The following SEMA5A variants were observed in gnomAD, a reference collection of about 807,000 sequenced individuals.
SEMA5A encodes the protein semaphorin-5A.
A neutral mutation model predicts 135.5 loss-of-function variants in SEMA5A; 55 were observed. The observed-to-expected ratio is 0.41, with a 90% CI of 0.33 to 0.51. The LOEUF (loss-of-function observed/expected upper bound fraction) is 0.51, where lower values mean the gene tolerates loss of function less well. Among genes scored for constraint, SEMA5A ranks in the 20% least tolerant of loss-of-function variants. SEMA5A has a pLI of 0.37. For synonymous variants in SEMA5A, 580 were observed against 546.5 expected (o/e 1.06, Z -0.85); for missense variants, 1,290 against 1,419.9 (o/e 0.91, Z 1.47).
At chr5:9,164,269 TATAA>T (rs1463145179) in intron 11 of SEMA5A, among the ~76,000 whole-genome samples, 1 of 145,310 alleles carries the variant, frequency 6.9e-6, no homozygotes, top group Admixed American at 7.0e-5. Context: ...AAATATATGA[TATAA>T]ATATTTATAT....
chr5:9,254,386 A>T (rs1748955105), intron 5 of SEMA5A, among the ~76,000 whole-genome samples: 1 of 152,210 alleles, frequency 6.6e-6, no homozygotes, highest in African/African-American at 2.4e-5. Context: ...CCACCTGAGC[A>T]GGAATGAAGG....
chr5:9,238,020 C>A (rs1748004764), intron 5 of SEMA5A, 130 bp from the exon 6 acceptor site: 2 of 743,208 alleles, frequency 2.7e-6, no homozygotes, highest in East Asian at 2.6e-5. Flanking sequence ...CATTTTCATA[C>A]TCATAGAATT....
intron 18 of SEMA5A, among the ~76,000 whole-genome samples, chr5:9,055,509 T>C (rs576346885): frequency 6.6e-6 from 1 of 152,358 alleles, no homozygotes. Context: ...TAACTTAGAT[T>C]GTTTTTTAAT....
At chr5:9,531,846 T>C (rs1737457951) in intron 1 of SEMA5A, among the ~76,000 whole-genome samples, 1 of 152,220 alleles carries the variant, frequency 6.6e-6, no homozygotes. Flanking sequence ...TTTACCCTAG[T>C]ATCTTTGCTG....
rs1258901780 is a variant in SEMA5A, at chr5:9,200,026, TA to T, written c.932+1928del. Among the ~76,000 whole-genome samples, 5 of 152,342 alleles carry T rather than the reference TA, an allele frequency of 3.3e-5. No individual in the cohort carries two copies. In the East Asian group the frequency reaches 9.6e-4, roughly 29 times the overall value. On this transcript the variant is annotated intron_variant, in intron 9 of 22. Coordinates refer to ENST00000382496, the MANE Select transcript of SEMA5A (RefSeq NM_003966.3). ...CAGTATCGGACAGCTTTCTGATTCA[TA>T]AGACCTCTGATCCTCCTTTTCTTTC...
intron 1 of SEMA5A, among the ~76,000 whole-genome samples, chr5:9,515,375 C>T (rs1736451658): frequency 6.6e-6 from 1 of 152,130 alleles, no homozygotes; most frequent in Admixed American, 6.5e-5. Context: ...ATCTCTAGTT[C>T]GTCATGCAAC....
chr5:9,154,762 C>T (rs1742862772), intron 11 of SEMA5A, 67 bp from the exon 12 acceptor site: 7 of 1,376,684 alleles, frequency 5.1e-6, no homozygotes, highest in Admixed American at 1.7e-5. Context: ...CCTGGTTAAA[C>T]AGAGTGTGCT....
At chr5:9,138,858 T>C (rs1341577095) in intron 12 of SEMA5A, among the ~76,000 whole-genome samples, 3 of 152,252 alleles carry the variant, frequency 2.0e-5, no homozygotes, top group Non-Finnish European at 4.4e-5. Flanking sequence ...CATGCGACGT[T>C]TGCTTTTCTA....
chr5:9,107,894 T>C (rs560273640), intron 16 of SEMA5A, among the ~76,000 whole-genome samples: 10 of 152,240 alleles, frequency 6.6e-5, no homozygotes, highest in African/African-American at 2.4e-4. Context: ...TCTGGACATG[T>C]CATATTTATA....
intron 8 of SEMA5A, among the ~76,000 whole-genome samples, chr5:9,207,271 C>T (rs574324111): frequency 6.6e-5 from 10 of 151,748 alleles, no homozygotes; most frequent in South Asian, 2.1e-4. Flanking sequence ...CTGCAACCTC[C>T]GCCTCCCAGG....
intron 5 of SEMA5A, among the ~76,000 whole-genome samples, chr5:9,311,495 A>G (rs966314446): frequency 6.6e-6 from 1 of 151,624 alleles, no homozygotes; most frequent in East Asian, 2.0e-4. Context: ...TCGCAAGGAC[A>G]AAAAAACAAA....
intron 4 of SEMA5A, among the ~76,000 whole-genome samples, chr5:9,319,788 C>T (rs547316063): frequency 1.1e-3 from 154 of 135,524 alleles, no homozygotes; most frequent in African/African-American, 4.0e-3. Flanking sequence ...GGTTTTACAA[C>T]ACCTATAAGA....
At chr5:9,405,757 A>C (rs1013280660) in intron 2 of SEMA5A, among the ~76,000 whole-genome samples, 1 of 152,194 alleles carries the variant, frequency 6.6e-6, no homozygotes, top group African/African-American at 2.4e-5. Flanking sequence ...AAATGGAGGG[A>C]CTTCGAATAT....
intron 2 of SEMA5A, among the ~76,000 whole-genome samples, chr5:9,414,307 A>G (rs528461015): frequency 2.0e-5 from 3 of 152,356 alleles, no homozygotes; most frequent in African/African-American, 4.8e-5. Context: ...CGATTCAACT[A>G]TAAGGAAAAA....
chr5:9,176,714 T>G (rs1744224824), intron 11 of SEMA5A, among the ~76,000 whole-genome samples: 1 of 152,162 alleles, frequency 6.6e-6, no homozygotes, highest in Non-Finnish European at 1.5e-5. Context: ...CCAGTTCCTA[T>G]TCCCAAAGCT....
chr5:9,131,606 T>A (rs1741422931), intron 13 of SEMA5A, among the ~76,000 whole-genome samples: 1 of 67,834 alleles, frequency 1.5e-5, no homozygotes. Context: ...AGACTCCATC[T>A]CAAAAAAAAA....
At chr5:9,124,792 T>A (rs1741016301) in intron 13 of SEMA5A, among the ~76,000 whole-genome samples, 1 of 152,166 alleles carries the variant, frequency 6.6e-6, no homozygotes, top group Non-Finnish European at 1.5e-5. Flanking sequence ...AACTTCAGCA[T>A]CCTTGAGAAA....
At chr5:9,162,441 T>C (rs928231314) in intron 11 of SEMA5A, among the ~76,000 whole-genome samples, 1 of 138,646 alleles carries the variant, frequency 7.2e-6, no homozygotes, top group African/African-American at 2.8e-5. Context: ...TATATATATG[T>C]GTATGTGTAT....
At chr5:9,352,407 C>A (rs142871708) in intron 3 of SEMA5A, among the ~76,000 whole-genome samples, 1 of 151,912 alleles carries the variant, frequency 6.6e-6, no homozygotes, top group African/African-American at 2.4e-5. Flanking sequence ...CAGTTTATGG[C>A]GCTGGCTAAT....
Sources: allele counts gnomAD v4.1 joint callset (sites outside exome capture counted in the v4.1 genomes callset), GRCh38; gene constraint gnomAD v4.1.1; transcripts MANE v1.5; gene names NCBI Gene and HGNC (gene_info 2026-07-23, HGNC 2026-07-21).